The following IL12RB2 variants were observed in gnomAD, a reference collection of about 807,000 sequenced individuals.
IL12RB2 encodes the protein interleukin 12 receptor subunit beta 2.
Under a neutral mutation model 89.4 loss-of-function variants are expected in IL12RB2, and 82 were observed. That is an observed-to-expected ratio of 0.92 (90% CI 0.77 to 1.10). IL12RB2 has a LOEUF of 1.10. Ranked by LOEUF, IL12RB2 falls within the 50% of genes least tolerant of loss-of-function variation. The pLI is 0.00. For synonymous variants in IL12RB2, 368 were observed against 370.1 expected, an observed-to-expected ratio of 0.99 and a Z score of 0.07; for missense variants, 963 against 1,031.9, an observed-to-expected ratio of 0.93 and a Z score of 0.92.
At chr1:67,335,204 G>GA (rs1658608951) in intron 8 of IL12RB2, among the ~76,000 whole-genome samples, 1 of 152,182 alleles carries the variant, frequency 6.6e-6, no homozygotes, top group African/African-American at 2.4e-5. Flanking sequence ...GCAAGGGGAT[G>GA]AAAAGAGTCC....
At chr1:67,361,411 T>G (rs1662026276) in intron 10 of IL12RB2, among the ~76,000 whole-genome samples, 1 of 152,122 alleles carries the variant, frequency 6.6e-6, no homozygotes. Context: ...ACAGATAAAG[T>G]AGAAAACCTG....
At position 67,395,646 on chromosome 1, in the gene IL12RB2, C is replaced by G; in HGVS notation, c.2146C>G (p.Pro716Ala). Reference sequence around the variant, plus strand: ...CAGTGAAGTCCTTCATCAAGTGACCCCAGTTTTCAGACATCCCCCCTGCTC... The same window carrying G: ...CAGTGAAGTCCTTCATCAAGTGACCGCAGTTTTCAGACATCCCCCCTGCTC... ...VISEVLHQVT[P>A]VFRHPPCSNW... The change falls in exon 17 of 17, where the codon CCA becomes GCA. Residue 716 changes from proline to alanine, a missense_variant. Coordinates refer to ENST00000674203, the MANE Select transcript of IL12RB2 (RefSeq NM_001374259.2). 1.2e-6 allele frequency: 2 copies of G among 1,614,196 alleles called. No individual in the cohort carries two copies. The highest frequency in any genetic ancestry group is 1.7e-6 in the Non-Finnish European group (2 of 1,180,040).
At chr1:67,371,864 C>T (rs1361095744) in intron 11 of IL12RB2, among the ~76,000 whole-genome samples, 2 of 152,174 alleles carry the variant, frequency 1.3e-5, no homozygotes, top group Non-Finnish European at 2.9e-5. Flanking sequence ...ACCCAGAGCA[C>T]CCTGGTTAGT....
At chr1:67,378,952 C>T (rs541318374) in intron 13 of IL12RB2, among the ~76,000 whole-genome samples, 1 of 151,596 alleles carries the variant, frequency 6.6e-6, no homozygotes, top group South Asian at 2.1e-4. Flanking sequence ...AATCCCAGCA[C>T]TTTGGGAGGC....
chr1:67,363,220 T>TA (rs1662313105), intron 10 of IL12RB2, among the ~76,000 whole-genome samples: 2 of 146,000 alleles, frequency 1.4e-5, no homozygotes, highest in Non-Finnish European at 3.0e-5. Context: ...TATTTTTTTT[T>TA]TTTTTTTTTT....
At chr1:67,315,987 C>T (rs1655705797) in intron 2 of IL12RB2, among the ~76,000 whole-genome samples, 1 of 152,166 alleles carries the variant, frequency 6.6e-6, no homozygotes. Flanking sequence ...AAAAATCCAA[C>T]CACAATGTAG....
chr1:67,390,861 C>T (rs1313534525), intron 16 of IL12RB2, among the ~76,000 whole-genome samples: 1 of 152,108 alleles, frequency 6.6e-6, no homozygotes. Context: ...TCACCTGGGG[C>T]TTTGACAACT....
chr1:67,367,401 A>T (rs566126595), intron 10 of IL12RB2, among the ~76,000 whole-genome samples: 5 of 151,630 alleles, frequency 3.3e-5, no homozygotes, highest in African/African-American at 1.2e-4. Flanking sequence ...TCTCAAGGAA[A>T]AAAAAAGAAA....
intron 5 of IL12RB2, among the ~76,000 whole-genome samples, chr1:67,327,820 C>A (rs796471437): frequency 2.6e-5 from 4 of 152,334 alleles, no homozygotes; most frequent in African/African-American, 9.6e-5. Flanking sequence ...GGATTCTACT[C>A]TGGCCACTGC....
At chr1:67,318,676 A>C (rs1050347797) in intron 2 of IL12RB2, among the ~76,000 whole-genome samples, 9 of 152,258 alleles carry the variant, frequency 5.9e-5, no homozygotes, top group Middle Eastern at 3.4e-3. Flanking sequence ...CTGAAGGAAG[A>C]ATGAATTTGG....
intron 9 of IL12RB2, among the ~76,000 whole-genome samples, chr1:67,348,768 G>A (rs904203377): frequency 1.3e-5 from 2 of 151,894 alleles, no homozygotes; most frequent in Non-Finnish European, 2.9e-5. Context: ...TGAAGTTTTT[G>A]TTCCATCGAC....
In IL12RB2 at chr1:67,320,414, A is replaced by C. The variant is rs1656338035; in HGVS notation, c.46A>C (p.Ile16Leu). 6.2e-7 allele frequency: 1 copy of C among 1,613,868 alleles called. No individual in the cohort carries two copies. Among genetic ancestry groups the C allele is most frequent in the Admixed American group, 1.7e-5 (1 of 60,006 alleles). The change falls in exon 3 of 17, where the codon ATC (isoleucine) becomes CTC (leucine). Residue 16 changes from isoleucine (I) to leucine (L), a missense_variant. By Grantham distance (5) the Ile-to-Leu change is conservative. Coordinates refer to ENST00000674203, the MANE Select transcript of IL12RB2 (RefSeq NM_001374259.2). ...RGCSLAFMFIITWLLIKAKID... is the reference protein window; with the variant it reads ...RGCSLAFMFILTWLLIKAKID... Reference sequence around the variant, plus strand: ...ATGCTCATTGGCATTTATGTTTATAATCACGTGGCTGTTGATTAAAGCAAA... The same window carrying C: ...ATGCTCATTGGCATTTATGTTTATACTCACGTGGCTGTTGATTAAAGCAAA...
At chr1:67,310,333 T>C (rs1558288378) in intron 1 of IL12RB2, among the ~76,000 whole-genome samples, 1 of 152,122 alleles carries the variant, frequency 6.6e-6, no homozygotes, top group East Asian at 1.9e-4. Flanking sequence ...ACATGTACAT[T>C]ATGGTCAGTG....
chr1:67,330,575 G>GGTTTT, intron 7 of IL12RB2, 85 bp from the exon 8 acceptor site: 1 of 620,100 alleles, frequency 1.6e-6, no homozygotes, highest in Admixed American at 2.5e-5. Flanking sequence ...AATAGCCTGG[G>GGTTTT]TTTTTTTTTT....
In IL12RB2 at chr1:67,389,964, G is replaced by A. The variant is rs1462598539; in HGVS notation, c.1947-65G>A. ...CCTTACACTGAAGTTACTGCACTGA[G>A]AACCTGTGCTTCCATGCCACTGTGT... On this transcript the variant is annotated intron_variant, in intron 15 of 16. Transcript: ENST00000674203. 10 of 842,858 alleles carry A rather than the reference G, an allele frequency of 1.2e-5. No homozygotes were observed. The Admixed American group carries it at 1.5e-4, about 13-fold the overall frequency. 52.2% of individuals were successfully genotyped at this position (842,858 alleles called of 1,614,324 possible).
intron 8 of IL12RB2, among the ~76,000 whole-genome samples, chr1:67,332,791 T>C (rs534051366): frequency 5.9e-5 from 9 of 152,188 alleles, no homozygotes; most frequent in Non-Finnish European, 1.0e-4. Context: ...TTAAGTTATA[T>C]CACATTAAGC....
chr1:67,391,405 A>AC (rs1475000161), intron 16 of IL12RB2, among the ~76,000 whole-genome samples: 7 of 147,790 alleles, frequency 4.7e-5, no homozygotes, highest in African/African-American at 9.9e-5. Flanking sequence ...ACACACACAC[A>AC]AACTGCTGTT....
rs369351183 is a variant in IL12RB2, at chr1:67,326,686, T to C, written c.365-49T>C. 41 of 1,602,280 alleles carry C rather than the reference T, an allele frequency of 2.6e-5. No individual in the cohort carries two copies. The African/African-American group carries it at 5.5e-4, about 21-fold the overall frequency. On this transcript the variant is annotated intron_variant, in intron 4 of 16. Transcript: ENST00000674203. ...TGATGGCAGATAATAACAATTCGGT[T>C]GAAATATCACCTGTGTGATATATAA...
chr1:67,325,184 G>T (rs563512087), intron 4 of IL12RB2, among the ~76,000 whole-genome samples: 2 of 152,358 alleles, frequency 1.3e-5, no homozygotes, highest in African/African-American at 2.4e-5. Flanking sequence ...GAGCTCAAAG[G>T]TTTGTTGTTG....
Sources: gnomAD v4.1 joint callset for allele counts (sites outside exome capture counted in the v4.1 genomes callset) on GRCh38, gnomAD v4.1.1 for gene constraint, MANE v1.5 for transcripts, NCBI Gene and HGNC (gene_info 2026-07-23, HGNC 2026-07-21) for gene names.